Variants in MAP3K13 observed in about 807,000 individuals in gnomAD.
MAP3K13 encodes the protein leucine zipper-bearing kinase.
In MAP3K13, 52 loss-of-function variants were observed where a neutral mutation model predicts 104.0. That is an observed-to-expected ratio of 0.50 (90% CI 0.40 to 0.63). The LOEUF is 0.63. Among genes scored for constraint, MAP3K13 ranks in the 20% least tolerant of loss-of-function variants. The pLI is 0.00. For synonymous variants in MAP3K13, 394 were observed against 442.2 expected (o/e 0.89, Z 1.37); for missense variants, 914 against 1,218.5 (o/e 0.75, Z 3.72).
chr3:185,302,261 A>G (rs1257825917), intron 2 of MAP3K13, among the ~76,000 whole-genome samples: 1 of 151,984 alleles, frequency 6.6e-6, no homozygotes, highest in East Asian at 1.9e-4. Flanking sequence ...AAAAAAAAAA[A>G]AATTAGCTGA....
Position 185,406,407 on chromosome 3 carries a change from G to C in MAP3K13, c.-85-22090G>C, listed in dbSNP as rs114791688. Among the ~76,000 whole-genome samples, 697 of 152,268 alleles carry C rather than the reference G, an allele frequency of 4.6e-3. 8 individuals are homozygous for C. Among genetic ancestry groups the C allele is most frequent in the African/African-American group, 0.015 (641 of 41,562 alleles). On this transcript the variant is annotated intron_variant, in intron 1 of 13. Transcript: ENST00000265026. ...ACTTTAACTCTCAAACTAAATTCTA[G>C]CTATTGTGCAATTTAAGTCTTCTCT... is the stretch of plus-strand genomic sequence containing the variant.
chr3:185,336,396 G>T (rs183212551), intron 2 of MAP3K13, among the ~76,000 whole-genome samples: 2 of 151,778 alleles, frequency 1.3e-5, no homozygotes, highest in East Asian at 1.9e-4. Flanking sequence ...ACAAAAATTA[G>T]CTGGGCATGG....
At chr3:185,465,983 A>T (rs1232979255) in intron 9 of MAP3K13, 120 bp downstream of exon 9, 2 of 779,286 alleles carry the variant, frequency 2.6e-6, no homozygotes, top group Non-Finnish European at 4.3e-6. Flanking sequence ...TTCACCCAAC[A>T]TTCCTTCCGG....
In MAP3K13 at chr3:185,352,175, T is replaced by G. The variant is rs540471547; in HGVS notation, c.-86+66532T>G. ...AAGTAAGAGTGGGGGCCGGGCGCGG[T>G]GGCTCACTCCTGTAATCCCAGCACT... On this transcript the variant is annotated intron_variant, in intron 2 of 14. Coordinates refer to the MAP3K13 transcript ENST00000424227. 2.5e-3 allele frequency among the ~76,000 whole-genome samples: 378 copies of G among 152,254 alleles called. 3 individuals are homozygous for G. Among genetic ancestry groups the G allele is most frequent in the African/African-American group, 8.3e-3 (343 of 41,550 alleles).
chr3:185,451,326 A>G lies in MAP3K13; in HGVS notation c.1209A>G (p.Thr403=), dbSNP rs759732124. Residue 403 remains threonine (T), a synonymous_variant, in exon 7 of 14, where the codon ACA becomes ACG. Coordinates refer to ENST00000265026, the MANE Select transcript of MAP3K13 (RefSeq NM_004721.5). The part of the protein sequence containing the change: ...KPRNRPSFRQ[T]LMHLDIASAD... ...GAAACCGACCTTCTTTTCGGCAGAC[A>G]CTCATGCATTTAGACATTGCCTCTG... 1.9e-6 allele frequency: 3 copies of G among 1,613,540 alleles called. No individual in the cohort carries two copies. Among genetic ancestry groups the G allele is most frequent in the Non-Finnish European group, 2.5e-6 (3 of 1,179,668 alleles).
At chr3:185,316,352 C>A (rs1715673271) in intron 2 of MAP3K13, among the ~76,000 whole-genome samples, 1 of 152,048 alleles carries the variant, frequency 6.6e-6, no homozygotes, top group African/African-American at 2.4e-5. Flanking sequence ...ATCAAAAGTT[C>A]TTTTTTGGCT....
chr3:185,331,092 C>CTTT (rs34204309), intron 2 of MAP3K13, among the ~76,000 whole-genome samples: 7,867 of 108,444 alleles, frequency 0.073, 414 homozygotes, highest in East Asian at 0.21. Flanking sequence ...CCTAATTTAC[C>CTTT]TTTTTTTTTT....
upstream of MAP3K13, among the ~76,000 whole-genome samples, chr3:185,360,834 T>C (rs941788358): frequency 1.4e-5 from 2 of 145,670 alleles, no homozygotes; most frequent in South Asian, 2.2e-4. Context: ...TTTTTTTTTT[T>C]TTTTTTTTTG....
chr3:185,370,240 G>A (rs190528592), intron 1 of MAP3K13, among the ~76,000 whole-genome samples: 110 of 152,192 alleles, frequency 7.2e-4, no homozygotes, highest in African/African-American at 2.5e-3. Context: ...TGTTGCCCAG[G>A]CTGGAGTGCA....
intron 5 of MAP3K13, 113 bp downstream of exon 5, chr3:185,448,060 T>C: frequency 8.4e-7 from 1 of 1,189,028 alleles, no homozygotes; most frequent in South Asian, 1.3e-5. Flanking sequence ...TGTTGCTCAC[T>C]TTTGGTTGAT....
At chr3:185,424,470 T>C (rs1319199739) in intron 1 of MAP3K13, among the ~76,000 whole-genome samples, 1 of 152,214 alleles carries the variant, frequency 6.6e-6, no homozygotes, top group Non-Finnish European at 1.5e-5. Context: ...TTTCTTCTCT[T>C]GTGAAATAGA....
chr3:185,319,821 G>A (rs1220820076), intron 2 of MAP3K13, among the ~76,000 whole-genome samples: 3 of 152,124 alleles, frequency 2.0e-5, no homozygotes, highest in Admixed American at 6.5e-5. Context: ...TTGCTTTCTC[G>A]AAACATGATA....
At chr3:185,478,871 CAA>C (rs557343014) in intron 12 of MAP3K13, among the ~76,000 whole-genome samples, 5 of 68,896 alleles carry the variant, frequency 7.3e-5, no homozygotes, top group Admixed American at 1.6e-4. Context: ...GACTCTGTCT[CAA>C]AAAAAAAAAA....
intron 1 of MAP3K13, among the ~76,000 whole-genome samples, chr3:185,285,072 G>A (rs958779064): frequency 1.3e-5 from 2 of 151,974 alleles, no homozygotes; most frequent in Non-Finnish European, 1.5e-5. Flanking sequence ...GATGAAACTC[G>A]TAAGCATTTT....
At position 185,482,340 on chromosome 3, in the gene MAP3K13, G is replaced by T. The variant is rs1417199242; in HGVS notation, c.2800-15G>T. 3 of 1,584,258 alleles carry T rather than the reference G, an allele frequency of 1.9e-6. No homozygotes were observed. On this transcript the variant is annotated splice_polypyrimidine_tract_variant and intron_variant, in intron 13 of 13. Coordinates refer to ENST00000265026, the MANE Select transcript of MAP3K13 (RefSeq NM_004721.5). This position sits in a 1 kb window ranked among gnomAD's most constrained non-coding sequence, Gnocchi z 4.5. ...GATTATCGAAATGAATTAAGGTTTT[G>T]TCTTGCCTTTGCAGAACCCCATGCA...
At chr3:185,404,829 G>A (rs1577516360) in intron 1 of MAP3K13, among the ~76,000 whole-genome samples, 2 of 152,238 alleles carry the variant, frequency 1.3e-5, no homozygotes, top group African/African-American at 4.8e-5. Flanking sequence ...CGCCCGCCTC[G>A]CCTCGGCCTC....
chr3:185,448,768 A>G (rs1577571226), intron 5 of MAP3K13, among the ~76,000 whole-genome samples: 1 of 152,330 alleles, frequency 6.6e-6, no homozygotes, highest in African/African-American at 2.4e-5. Flanking sequence ...TTTGCCAATC[A>G]TATAGGTAAA....
At chr3:185,361,502 G>C (rs1306732291), upstream of MAP3K13, among the ~76,000 whole-genome samples, 2 of 151,664 alleles carry the variant, frequency 1.3e-5, no homozygotes, top group Non-Finnish European at 2.9e-5. Context: ...CCGGGTTCAC[G>C]CCATTCTCCT....
At chr3:185,420,615 G>C (rs1412680663) in intron 1 of MAP3K13, among the ~76,000 whole-genome samples, 1 of 152,208 alleles carries the variant, frequency 6.6e-6, no homozygotes, top group Non-Finnish European at 1.5e-5. Context: ...AAAGAGCTCA[G>C]TGTCAATCAA....
Sources: gnomAD v4.1 joint callset for allele counts (sites outside exome capture counted in the v4.1 genomes callset) on GRCh38, gnomAD v4.1.1 for gene constraint, Gnocchi (gnomAD v3.1) non-coding constraint, MANE v1.5 for transcripts, NCBI Gene and HGNC (gene_info 2026-07-23, HGNC 2026-07-21) for gene names.